Variants in TNRC6A observed in about 807,000 individuals in gnomAD.
The protein encoded by TNRC6A is trinucleotide repeat-containing gene 6A protein.
Under a neutral mutation model 221.2 loss-of-function variants are expected in TNRC6A, and 44 were observed. The observed-to-expected ratio is 0.20, with a 90% CI of 0.16 to 0.26. The LOEUF (loss-of-function observed/expected upper bound fraction) is 0.26. TNRC6A is among the 10% of genes least tolerant of loss of function. The pLI is 1.00. For missense variants in TNRC6A, 2,199 were observed against 2,404.4 expected (o/e 0.91, Z 1.79); for synonymous variants, 847 against 838.5 (o/e 1.01, Z -0.18).
Position 24,790,317 on chromosome 16 carries a change from A to T in TNRC6A, c.1675A>T (p.Met559Leu), listed in dbSNP as rs146442938. The T allele has an allele frequency of 6.2e-7, 1 of 1,614,222 alleles. No homozygotes were observed. Reference protein sequence around the residue: ...TLMQPGVNGPMGTNFQVNTNK... With the variant: ...TLMQPGVNGPLGTNFQVNTNK... ...AATGCAGCCTGGCGTAAATGGTCCT[A>T]TGGGCACTAACTTTCAAGTTAACAC... The change falls in exon 6 of 25, where the codon ATG (methionine) becomes TTG (leucine). Residue 559 changes from methionine to leucine, a missense_variant. This residue lies in a region of TNRC6A where 1,405 missense variants were observed against 1,400.2 expected (regional missense o/e 1.00). Transcript: ENST00000395799.
intron 2 of TNRC6A, among the ~76,000 whole-genome samples, chr16:24,697,281 A>G (rs916711693): frequency 6.6e-6 from 1 of 152,208 alleles, no homozygotes; most frequent in Non-Finnish European, 1.5e-5. Flanking sequence ...GTATCTTTTG[A>G]TATCTTTCTG....
chr16:24,745,387 G>A (rs2056983250), intron 2 of TNRC6A, among the ~76,000 whole-genome samples: 1 of 152,182 alleles, frequency 6.6e-6, no homozygotes, highest in South Asian at 2.1e-4. Flanking sequence ...AAAGGAATGG[G>A]GGGTGGCAAT....
At chr16:24,822,852 CA>C (rs755958322) in intron 23 of TNRC6A, 21 bp from the exon 24 acceptor site, 17 of 1,612,352 alleles carry the variant, frequency 1.1e-5, no homozygotes, top group Non-Finnish European at 9.3e-6. Flanking sequence ...CTCTCACTGG[CA>C]GTTTCCACAC....
intron 11 of TNRC6A, among the ~76,000 whole-genome samples, chr16:24,801,273 G>A (rs1030526816): frequency 1.3e-5 from 2 of 152,158 alleles, no homozygotes; most frequent in Admixed American, 6.5e-5. Context: ...TGGCATTTAG[G>A]GGAGTGATCC....
At chr16:24,782,989 G>A (rs2057885862) in intron 5 of TNRC6A, among the ~76,000 whole-genome samples, 1 of 152,146 alleles carries the variant, frequency 6.6e-6, no homozygotes, top group South Asian at 2.1e-4. Context: ...TACTTTCGAA[G>A]CTCTTCCCTT....
At chr16:24,614,238 C>A (rs903193774) in intron 1 of TNRC6A, among the ~76,000 whole-genome samples, 1 of 152,230 alleles carries the variant, frequency 6.6e-6, no homozygotes. Flanking sequence ...CCCCAGTACA[C>A]AAGCATTGTT....
At chr16:24,653,778 CAAA>C (rs11285795) in intron 2 of TNRC6A, among the ~76,000 whole-genome samples, 7 of 140,630 alleles carry the variant, frequency 5.0e-5, no homozygotes, top group Admixed American at 7.0e-5. Context: ...GAGACTCTAT[CAAA>C]AAAAAAAAAA....
intron 2 of TNRC6A, among the ~76,000 whole-genome samples, chr16:24,687,223 T>C (rs2055644928): frequency 6.6e-6 from 1 of 152,128 alleles, no homozygotes; most frequent in Non-Finnish European, 1.5e-5. Flanking sequence ...TAGCTACTTA[T>C]ATAATATCCA....
At chr16:24,678,462 G>A (rs2055464340) in intron 2 of TNRC6A, among the ~76,000 whole-genome samples, 3 of 152,170 alleles carry the variant, frequency 2.0e-5, no homozygotes, top group African/African-American at 7.2e-5. Context: ...CCATGGAAAG[G>A]CCCACCTGGC....
At chr16:24,708,795 C>T (rs537965060) in intron 2 of TNRC6A, among the ~76,000 whole-genome samples, 112 of 152,284 alleles carry the variant, frequency 7.4e-4, no homozygotes, top group Middle Eastern at 3.4e-3. Flanking sequence ...TAATGGCCTT[C>T]GGTTCCAACC....
intron 4 of TNRC6A, 140 bp downstream of exon 4, chr16:24,758,500 T>C (rs2057298618): frequency 1.2e-6 from 1 of 847,180 alleles, no homozygotes; most frequent in Non-Finnish European, 1.9e-6. Flanking sequence ...TAACATACCC[T>C]GGGGTCGTCC....
intron 4 of TNRC6A, 156 bp from the exon 5 acceptor site, chr16:24,776,777 C>G (rs2057727236): frequency 2.0e-6 from 2 of 985,254 alleles, no homozygotes; most frequent in Non-Finnish European, 2.4e-6. Flanking sequence ...CATCTCCTAA[C>G]AAAATTTGAG....
rs554058156 is a variant in TNRC6A at position 24,791,763 on chromosome 16, C to G, written c.3121C>G (p.Gln1041Glu). The G allele has an allele frequency of 3.1e-6, 5 of 1,597,356 alleles. No individual in the cohort carries two copies. In the South Asian group the frequency reaches 4.6e-5, roughly 15 times the overall value. ...TTCAGACCAGCAAGCACAGGTACATCAGCTGCTAACGCCTGCAAGTGCCAT... is the reference window on the plus strand; with the variant it reads ...TTCAGACCAGCAAGCACAGGTACATGAGCTGCTAACGCCTGCAAGTGCCAT... ...SRSDQQAQVH[Q>E]LLTPASAISN... The change falls in exon 6 of 25, where the codon CAG becomes GAG. Residue 1041 changes from glutamine to glutamate, a missense_variant. Physicochemically the swap from Gln to Glu is conservative, Grantham distance 29 (BLOSUM62 2). Transcript: ENST00000395799.
chr16:24,822,676 C>T lies in TNRC6A; in HGVS notation c.5374-198C>T, dbSNP rs553692775. 2.0e-5 allele frequency among the ~76,000 whole-genome samples: 3 copies of T among 152,146 alleles called. No homozygotes were observed. In the East Asian group the frequency reaches 5.8e-4, roughly 29 times the overall value. On this transcript the variant is annotated intron_variant, in intron 23 of 24. Transcript: ENST00000395799. ...GTGTCCAGGAGTCTAGAGGCCAGAGCGGTATGGCTCTGGGAGCAGTGGAGG... is the reference window on the plus strand; with the variant it reads ...GTGTCCAGGAGTCTAGAGGCCAGAGTGGTATGGCTCTGGGAGCAGTGGAGG...
chr16:24,717,906 G>T (rs2056344071), intron 2 of TNRC6A, among the ~76,000 whole-genome samples: 1 of 151,532 alleles, frequency 6.6e-6, no homozygotes, highest in South Asian at 2.1e-4. Flanking sequence ...CAAGTAGCTG[G>T]ATTATAGGCG....
intron 4 of TNRC6A, among the ~76,000 whole-genome samples, chr16:24,760,027 TGCTTA>T (rs1255868185): frequency 6.6e-6 from 1 of 152,208 alleles, no homozygotes; most frequent in Non-Finnish European, 1.5e-5. Context: ...CAAACTCCTT[TGCTTA>T]GCTTTCAAGG....
At chr16:24,664,643 T>C (rs1196706966) in intron 2 of TNRC6A, among the ~76,000 whole-genome samples, 3 of 136,116 alleles carry the variant, frequency 2.2e-5, no homozygotes, top group Non-Finnish European at 4.6e-5. Flanking sequence ...TTAATAAATA[T>C]ATTTATTAAT....
intron 6 of TNRC6A, among the ~76,000 whole-genome samples, chr16:24,792,258 T>C (rs567488393): frequency 4.6e-5 from 7 of 152,350 alleles, no homozygotes; most frequent in African/African-American, 1.7e-4. Flanking sequence ...CAACTCTACT[T>C]AGATACAGTA....
intron 4 of TNRC6A, among the ~76,000 whole-genome samples, chr16:24,768,673 T>C (rs1251473218): frequency 6.6e-6 from 1 of 152,158 alleles, no homozygotes; most frequent in East Asian, 1.9e-4. Flanking sequence ...GCACTGTATA[T>C]TTTATAGGTG....
Sources: gnomAD v4.1 joint callset for allele counts (sites outside exome capture counted in the v4.1 genomes callset) on GRCh38, gnomAD v4.1.1 for gene constraint, gnomAD v4.1.1 regional missense constraint, MANE v1.5 for transcripts, NCBI Gene and HGNC (gene_info 2026-07-23, HGNC 2026-07-21) for gene names.